The following USH2A variants were observed in gnomAD, a reference collection of about 807,000 sequenced individuals.
USH2A encodes usherin, also known as Usher syndrome 2A (autosomal recessive, mild).
USH2A carries 443 observed loss-of-function variants against 538.9 expected under a neutral mutation model. That is an observed-to-expected ratio of 0.82 (90% CI 0.76 to 0.89). The LOEUF (loss-of-function observed/expected upper bound fraction) is 0.89. Ranked by LOEUF, USH2A falls within the 40% of genes least tolerant of loss-of-function variation. USH2A has a pLI of 0.00. For missense variants in USH2A, 6,633 were observed against 6,324.8 expected (o/e 1.05, Z -1.65); for synonymous variants, 2,413 against 2,273.5 (o/e 1.06, Z -1.75).
rs2039679903 is a variant in USH2A, at chr1:216,421,751, C to T, written c.485+101G>A. 4 of 1,577,044 alleles carry T rather than the reference C, an allele frequency of 2.5e-6. No homozygotes were observed. The South Asian group carries it at 3.4e-5, about 13-fold the overall frequency. On this transcript the variant is annotated intron_variant, in intron 2 of 71. Transcript: ENST00000307340. ...GAGTTAGTCTTCAATACCATGAATT[C>T]TATATAGCCTTCACTTCCGGTTTGG...
Position 215,867,009 on chromosome 1 carries a change from G to A in USH2A, c.8843C>T (p.Pro2948Leu). 6.2e-7 allele frequency: 1 copy of A among 1,614,000 alleles called. No homozygotes were observed. The highest frequency in any genetic ancestry group is 8.5e-7 in the Non-Finnish European group (1 of 1,179,962). The change falls in exon 44 of 72, where the codon CCA becomes CTA. Residue 2948 changes from proline to leucine, a missense_variant and splice_region_variant. Pro to Leu is a moderately conservative substitution (Grantham distance 98). Transcript: ENST00000307340. Reference sequence around the variant, plus strand: ...ACAGGTATGAGAAGCTTACTTACTTGGTTTAGCCCACCTCACGTCGATGGC... The same window carrying A: ...ACAGGTATGAGAAGCTTACTTACTTAGTTTAGCCCACCTCACGTCGATGGC... ...HTAIDVRWAK[P>L]TVQDLQGEVE...
At chr1:216,171,476 A>C (rs2034274961) in intron 21 of USH2A, among the ~76,000 whole-genome samples, 1 of 152,090 alleles carries the variant, frequency 6.6e-6, no homozygotes, top group South Asian at 2.1e-4. Context: ...CATTTGAGCA[A>C]ACATATTTTG....
intron 32 of USH2A, among the ~76,000 whole-genome samples, chr1:216,015,353 C>T (rs564526783): frequency 2.3e-4 from 35 of 152,228 alleles, no homozygotes; most frequent in Non-Finnish European, 4.7e-4. Flanking sequence ...ATTGTGTAGC[C>T]CTTGCTCCAC....
At chr1:215,824,895 A>G (rs1355285902) in intron 47 of USH2A, among the ~76,000 whole-genome samples, 1 of 152,156 alleles carries the variant, frequency 6.6e-6, no homozygotes, top group Admixed American at 6.6e-5. Flanking sequence ...TTTTCTTACC[A>G]TCTGCTCGGA....
chr1:215,967,905 C>A (rs984339933), intron 36 of USH2A, among the ~76,000 whole-genome samples: 1 of 152,038 alleles, frequency 6.6e-6, no homozygotes, highest in African/African-American at 2.4e-5. Context: ...CCTTAAGAGT[C>A]CCTGGAGAAT....
chr1:216,132,983 C>T (rs2033408038), intron 21 of USH2A, among the ~76,000 whole-genome samples: 1 of 152,084 alleles, frequency 6.6e-6, no homozygotes, highest in African/African-American at 2.4e-5. Flanking sequence ...TCTTCATCCT[C>T]AAATTCCCAA....
At chr1:216,173,051 G>C (rs562542885) in intron 21 of USH2A, among the ~76,000 whole-genome samples, 1 of 152,248 alleles carries the variant, frequency 6.6e-6, no homozygotes, top group South Asian at 2.1e-4. Context: ...AGGGTAAAAA[G>C]AGCTACTTTA....
intron 38 of USH2A, among the ~76,000 whole-genome samples, chr1:215,925,354 G>T (rs1028044330): frequency 1.3e-5 from 2 of 152,024 alleles, no homozygotes; most frequent in African/African-American, 4.8e-5. Flanking sequence ...TTTATTTGTT[G>T]AATTCTCCTA....
intron 3 of USH2A, among the ~76,000 whole-genome samples, chr1:216,381,168 G>A (rs1378907185): frequency 1.3e-5 from 2 of 152,060 alleles, no homozygotes; most frequent in African/African-American, 4.8e-5. Flanking sequence ...ACAAAGAAAT[G>A]GAGTTGAAGA....
chr1:216,205,994 G>A (rs866821172), intron 16 of USH2A, among the ~76,000 whole-genome samples: 2 of 152,134 alleles, frequency 1.3e-5, no homozygotes, highest in African/African-American at 4.8e-5. Context: ...TTGATGGCTT[G>A]TTTATATCCT....
intron 49 of USH2A, among the ~76,000 whole-genome samples, chr1:215,803,206 C>T (rs1237824507): frequency 2.0e-5 from 3 of 152,082 alleles, no homozygotes; most frequent in African/African-American, 7.2e-5. Flanking sequence ...GGAAGCATTC[C>T]CTTTGAAAAC....
At chr1:215,938,702 T>A (rs1666564514) in intron 37 of USH2A, among the ~76,000 whole-genome samples, 1 of 152,162 alleles carries the variant, frequency 6.6e-6, no homozygotes, top group Non-Finnish European at 1.5e-5. Context: ...CCCCACTGCC[T>A]GCTTCGCCCC....
chr1:216,150,887 T>C (rs2102619775), intron 21 of USH2A, among the ~76,000 whole-genome samples: 1 of 152,228 alleles, frequency 6.6e-6, no homozygotes, highest in East Asian at 1.9e-4. Flanking sequence ...ACTACACACA[T>C]CACTGAAACA....
intron 32 of USH2A, among the ~76,000 whole-genome samples, chr1:216,032,654 G>A (rs78306518): frequency 0.016 from 2,381 of 152,256 alleles, 34 homozygotes; most frequent in Non-Finnish European, 0.023. Context: ...TTAAAGCAGA[G>A]TGTTTTCTCC....
intron 3 of USH2A, among the ~76,000 whole-genome samples, chr1:216,414,858 G>T (rs1571797355): frequency 6.6e-6 from 1 of 151,980 alleles, no homozygotes; most frequent in Non-Finnish European, 1.5e-5. Flanking sequence ...TTAATCATTT[G>T]TTCTGTCCTA....
In USH2A at chr1:215,965,261, T is replaced by A. The variant is rs896415775; in HGVS notation, c.7120+56A>T. The A allele has an allele frequency of 1.5e-5, 24 of 1,548,732 alleles. No homozygotes were observed. The African/African-American group carries it at 3.2e-4, about 21-fold the overall frequency. On this transcript the variant is annotated intron_variant, in intron 37 of 71. Transcript: ENST00000307340. ...TTTTAGCCAAAAGAAAGATTTTAAA[T>A]AAAAATGAGTTGTTTTCTAATGTTA...
intron 13 of USH2A, 126 bp from the exon 14 acceptor site, chr1:216,232,262 G>C (rs779170179): frequency 5.1e-5 from 55 of 1,082,974 alleles, no homozygotes; most frequent in Non-Finnish European, 6.9e-5. Flanking sequence ...TACAAATGTG[G>C]TTATATCTGT....
Position 216,178,579 on chromosome 1 carries a change from T to A in USH2A, c.4397-3097A>T, listed in dbSNP as rs374548398. On this transcript the variant is annotated intron_variant, in intron 20 of 71. Transcript: ENST00000307340. ...GGGAAGCAATGGAGAACCAATTACATAATGTTTAAATTGAAATTTGCTAGA... is the reference window on the plus strand; with the variant it reads ...GGGAAGCAATGGAGAACCAATTACAAAATGTTTAAATTGAAATTTGCTAGA... Among the ~76,000 whole-genome samples, 100 of 152,236 alleles carry A rather than the reference T, an allele frequency of 6.6e-4. 1 individual carries two copies. The East Asian group carries it at 0.017, about 26-fold the overall frequency.
In USH2A at chr1:216,083,603, A is replaced by G. The variant is rs1241876310; in HGVS notation, c.5168-17T>C. The G allele has an allele frequency of 2.5e-6, 4 of 1,610,772 alleles. No homozygotes were observed. The highest frequency in any genetic ancestry group is 3.4e-5 in the Admixed American group (2 of 59,700). ...CCAGGAACCCTTTAAAGATAAAAAT[A>G]TGTACATATTAGCATGTGTAACACA... On this transcript the variant is annotated splice_polypyrimidine_tract_variant and intron_variant, in intron 25 of 71. Coordinates refer to ENST00000307340, the MANE Select transcript of USH2A (RefSeq NM_206933.4).
Sources: gnomAD v4.1 joint callset for allele counts (sites outside exome capture counted in the v4.1 genomes callset) on GRCh38, gnomAD v4.1.1 for gene constraint, MANE v1.5 for transcripts, NCBI Gene and HGNC (gene_info 2026-07-23, HGNC 2026-07-21) for gene names.